NRXN3: variants seen among roughly 807,000 people sequenced by gnomAD.
NRXN3 encodes the protein neurexin 3.
A neutral mutation model predicts 137.6 loss-of-function variants in NRXN3; 32 were observed. The observed-to-expected ratio is 0.23, with a 90% CI of 0.18 to 0.31. NRXN3 has a LOEUF of 0.31. NRXN3 is among the 10% of genes least tolerant of loss of function. The pLI is 1.00. For missense variants in NRXN3, 1,574 were observed against 2,062.5 expected, an observed-to-expected ratio of 0.76 and a Z score of 4.59; for synonymous variants, 798 against 784.5, an observed-to-expected ratio of 1.02 and a Z score of -0.29.
At chr14:79,102,882 G>A (rs1264109799) in intron 15 of NRXN3, among the ~76,000 whole-genome samples, 1 of 152,108 alleles carries the variant, frequency 6.6e-6, no homozygotes, top group African/African-American at 2.4e-5. Context: ...GTGAGAAAAA[G>A]GTGAATTAAG....
At chr14:78,323,281 C>CAGT (rs2079625386) in intron 4 of NRXN3, among the ~76,000 whole-genome samples, 1 of 151,878 alleles carries the variant, frequency 6.6e-6, no homozygotes, top group Non-Finnish European at 1.5e-5. Flanking sequence ...AGAGGAGGAA[C>CAGT]AGTAACACAG....
intron 4 of NRXN3, among the ~76,000 whole-genome samples, chr14:78,521,859 G>T (rs2096289080): frequency 6.6e-6 from 1 of 152,032 alleles, no homozygotes; most frequent in South Asian, 2.1e-4. Context: ...CCAAGAAAAA[G>T]GAAGGATGTA....
chr14:78,979,126 C>T lies in NRXN3; in HGVS notation c.3143-8896C>T, dbSNP rs79158200. 2.1e-4 allele frequency among the ~76,000 whole-genome samples: 32 copies of T among 152,192 alleles called. 1 individual carries two copies. The East Asian group carries it at 5.2e-3, about 25-fold the overall frequency. Reference sequence around the variant, plus strand: ...GCCTACTCACACTGGGGACCATCTGCTTTATTCTCTTCACCAGTTAAAATG... The same window carrying T: ...GCCTACTCACACTGGGGACCATCTGTTTTATTCTCTTCACCAGTTAAAATG... On this transcript the variant is annotated intron_variant, in intron 14 of 20. Transcript: ENST00000335750.
chr14:78,264,881 C>G (rs561530548), intron 2 of NRXN3, among the ~76,000 whole-genome samples: 26 of 152,182 alleles, frequency 1.7e-4, no homozygotes, highest in Non-Finnish European at 3.2e-4. Context: ...GGGGGCTTCC[C>G]TCTCTCGTCT....
intron 1 of NRXN3, among the ~76,000 whole-genome samples, chr14:78,238,769 A>G (rs917134974): frequency 6.6e-6 from 1 of 152,196 alleles, no homozygotes; most frequent in Non-Finnish European, 1.5e-5. Context: ...TTGATCCCCC[A>G]CAATGCAGGG....
rs1304897982 is a variant in NRXN3, at chr14:79,314,295, A to G, written c.3263-152926A>G. On this transcript the variant is annotated intron_variant, in intron 15 of 20. Coordinates refer to ENST00000335750, the MANE Select transcript of NRXN3 (RefSeq NM_001330195.2). ...GGAGTTCCCTTTCCGAGTCAAAGAA[A>G]GGGGTGACGGACGCACCTGGAAAAT... 55 of 114,338 alleles carry G rather than the reference A, an allele frequency of 4.8e-4. 1 individual carries two copies. Among genetic ancestry groups the G allele is most frequent in the African/African-American group, 1.9e-3 (54 of 28,934 alleles). 7.1% of individuals were successfully genotyped at this position (114,338 alleles called of 1,614,324 possible). A position where few individuals can be genotyped will look rare whatever the true frequency, so the allele number is the denominator to read the frequency against.
chr14:78,888,848 T>TACACACACACACACACACACACAC (rs59053009), intron 10 of NRXN3, among the ~76,000 whole-genome samples: 59 of 146,418 alleles, frequency 4.0e-4, no homozygotes, highest in African/African-American at 1.5e-3. Flanking sequence ...ATCACACACA[T>TACACACACACACACACACACACAC]ACACACACAC....
At chr14:78,277,246 A>T (rs1022009670) in intron 2 of NRXN3, among the ~76,000 whole-genome samples, 8 of 152,318 alleles carry the variant, frequency 5.3e-5, no homozygotes, top group Non-Finnish European at 1.0e-4. Flanking sequence ...ATCGGTTGGC[A>T]TGAAGAACAT....
At chr14:79,005,277 C>A (rs557044640) in intron 15 of NRXN3, among the ~76,000 whole-genome samples, 1 of 152,298 alleles carries the variant, frequency 6.6e-6, no homozygotes, top group Non-Finnish European at 1.5e-5. Flanking sequence ...GTTTCTTGGC[C>A]CCTGCCTTAC....
intron 15 of NRXN3, among the ~76,000 whole-genome samples, chr14:79,097,141 A>C (rs117381126): frequency 2.0e-5 from 3 of 152,002 alleles, no homozygotes; most frequent in Admixed American, 2.0e-4. Flanking sequence ...GTTGGTCATC[A>C]CCCTAAATAA....
chr14:79,471,894 T>C (rs1268118256), intron 16 of NRXN3, among the ~76,000 whole-genome samples: 2 of 152,122 alleles, frequency 1.3e-5, no homozygotes, highest in Non-Finnish European at 2.9e-5. Flanking sequence ...GTTACATAGG[T>C]AAACTCGTGT....
chr14:79,823,535 C>G (rs1180584407), intron 20 of NRXN3, among the ~76,000 whole-genome samples: 2 of 152,024 alleles, frequency 1.3e-5, no homozygotes, highest in African/African-American at 4.8e-5. Context: ...ATGATCACAC[C>G]ACTGCACTCC....
At chr14:79,151,363 T>A (rs1192787021) in intron 15 of NRXN3, among the ~76,000 whole-genome samples, 1 of 151,992 alleles carries the variant, frequency 6.6e-6, no homozygotes, top group East Asian at 1.9e-4. Context: ...TGGGGGTGAG[T>A]CCCAGAACAG....
intron 8 of NRXN3, among the ~76,000 whole-genome samples, chr14:78,727,414 G>C (rs2098490820): frequency 6.6e-6 from 1 of 152,198 alleles, no homozygotes. Context: ...TATGGTGGTG[G>C]TGGGGTGAGT....
chr14:78,343,472 C>T (rs1475730906), intron 4 of NRXN3, among the ~76,000 whole-genome samples: 1 of 152,154 alleles, frequency 6.6e-6, no homozygotes, highest in Non-Finnish European at 1.5e-5. Flanking sequence ...AGGGTAAAAA[C>T]AGCCAGATAA....
intron 19 of NRXN3, among the ~76,000 whole-genome samples, chr14:79,794,047 C>T (rs1449133132): frequency 6.6e-6 from 1 of 152,160 alleles, no homozygotes; most frequent in Non-Finnish European, 1.5e-5. Flanking sequence ...AGGTCTCTTG[C>T]CCTGTGCAAG....
At chr14:79,857,949 A>AG (rs2099406290) in intron 20 of NRXN3, among the ~76,000 whole-genome samples, 1 of 152,306 alleles carries the variant, frequency 6.6e-6, no homozygotes, top group African/African-American at 2.4e-5. Flanking sequence ...TAATAACAAA[A>AG]TGGCAAAGAA....
At chr14:79,725,073 C>T (rs1345737793) in intron 19 of NRXN3, among the ~76,000 whole-genome samples, 1 of 152,100 alleles carries the variant, frequency 6.6e-6, no homozygotes. Flanking sequence ...CTTCAAGAAT[C>T]GCGTGCCAAG....
chr14:78,587,928 C>G (rs7150885), intron 4 of NRXN3, among the ~76,000 whole-genome samples: 13,596 of 151,952 alleles, frequency 0.089, 824 homozygotes, highest in African/African-American at 0.18. Context: ...TTTTTAATAG[C>G]TATATCCAGT....
Sources: allele counts gnomAD v4.1 joint callset (sites outside exome capture counted in the v4.1 genomes callset), GRCh38; gene constraint gnomAD v4.1.1; transcripts MANE v1.5; gene names NCBI Gene and HGNC (gene_info 2026-07-23, HGNC 2026-07-21).